The following RASAL1 variants were observed in gnomAD, a reference collection of about 807,000 sequenced individuals.
The protein encoded by RASAL1 is rasGAP-activating-like protein 1.
RASAL1 carries 72 observed loss-of-function variants against 96.6 expected under a neutral mutation model. The ratio of observed to expected loss-of-function variants is 0.75; its 90% CI spans 0.62 to 0.91. The LOEUF (loss-of-function observed/expected upper bound fraction) is 0.91. RASAL1 is among the 40% of genes least tolerant of loss of function. The pLI, the probability that RASAL1 is intolerant of heterozygous loss-of-function variation, is 0.00. For missense variants in RASAL1, 1,016 were observed against 1,072.5 expected (o/e 0.95, Z 0.74); for synonymous variants, 405 against 430.4 (o/e 0.94, Z 0.73).
intron 7 of RASAL1, among the ~76,000 whole-genome samples, chr12:113,118,111 C>T (rs565786478): frequency 3.9e-5 from 6 of 152,152 alleles, no homozygotes; most frequent in Non-Finnish European, 8.8e-5. Context: ...GTAACCCCAG[C>T]TACTTGGGAG....
At position 113,105,898 on chromosome 12, in the gene RASAL1, G is replaced by C. The variant is rs766228994; in HGVS notation, c.1658-12C>G. 1 of 1,610,178 alleles carries C rather than the reference G, an allele frequency of 6.2e-7. No homozygotes were observed. The highest frequency in any genetic ancestry group is 8.5e-7 in the Non-Finnish European group (1 of 1,177,974). ...TGGGACACCAGCTTCTAGGAGATGG[G>C]AGAAGAGAGCGGTGGACAGTGAGCC... On this transcript the variant is annotated splice_polypyrimidine_tract_variant and intron_variant, in intron 15 of 20. Coordinates refer to ENST00000548055, the MANE Select transcript of RASAL1 (RefSeq NM_001301202.2).
At chr12:113,124,398 G>A (rs1256440839) in intron 4 of RASAL1, among the ~76,000 whole-genome samples, 3 of 152,062 alleles carry the variant, frequency 2.0e-5, no homozygotes, top group African/African-American at 4.8e-5. Context: ...CCACATTTCC[G>A]CCACATGCTT....
chr12:113,117,143 T>G lies in RASAL1; in HGVS notation c.661A>C (p.Thr221Pro). 1.2e-6 allele frequency: 2 copies of G among 1,603,168 alleles called. No individual in the cohort carries two copies. Among genetic ancestry groups the G allele is most frequent in the Non-Finnish European group, 1.7e-6 (2 of 1,171,872 alleles). Residue 221 changes from threonine (T) to proline (P), a missense_variant, in exon 8 of 21, where the codon ACC becomes CCC. Coordinates refer to ENST00000548055, the MANE Select transcript of RASAL1 (RefSeq NM_001301202.2). ...CCTTTAGGTGGCTTCTGCTGGAGGG[T>G]CTTTGGAGAGAACTCCACCTTTTGA... ...FLGMVEFSPK[T>P]LQQKPPKGWF...
In RASAL1 at chr12:113,115,170, G is replaced by T. The variant is rs202032513; in HGVS notation, c.1068+30C>A. 73 of 1,591,814 alleles carry T rather than the reference G, an allele frequency of 4.6e-5. No individual in the cohort carries two copies. The highest frequency in any genetic ancestry group is 3.9e-4 in the African/African-American group (29 of 74,496). On this transcript the variant is annotated intron_variant, in intron 11 of 20. Transcript: ENST00000548055. This position sits in a 1 kb window ranked among gnomAD's most constrained non-coding sequence, Gnocchi z 4.1. ...GGAAGGAGGTACCCGAGGAAGCTGCGCCTGGTCCCGCAGGCCTTCACCTAC... is the reference window on the plus strand; with the variant it reads ...GGAAGGAGGTACCCGAGGAAGCTGCTCCTGGTCCCGCAGGCCTTCACCTAC...
At chr12:113,107,408 A>C in intron 14 of RASAL1, 167 bp from the exon 15 acceptor site, 7 of 808,392 alleles carry the variant, frequency 8.7e-6, no homozygotes, top group Non-Finnish European at 1.2e-5. Flanking sequence ...GGATCACTTG[A>C]GGTCAGGAGC....
At chr12:113,131,022 G>A (rs1003927017) in intron 1 of RASAL1, 81 bp from the exon 2 acceptor site, 4 of 1,041,050 alleles carry the variant, frequency 3.8e-6, no homozygotes, top group Non-Finnish European at 5.9e-6. Flanking sequence ...ACACAGGCAG[G>A]GGAGTCGGAG....
chr12:113,135,420 G>A lies in RASAL1; in HGVS notation c.43C>T (p.Arg15Cys). 1 of 1,609,986 alleles carries A rather than the reference G, an allele frequency of 6.2e-7. No homozygotes were observed. Among genetic ancestry groups the A allele is most frequent in the Non-Finnish European group, 8.5e-7 (1 of 1,178,636 alleles). Residue 15 changes from arginine (R) to cysteine (C), a missense_variant, in exon 1 of 21, where the codon CGC becomes TGC. Physicochemically the swap from Arg to Cys is radical, Grantham distance 180. Transcript: ENST00000548055. This position sits in a 1 kb window ranked among gnomAD's most constrained non-coding sequence, Gnocchi z 5.7. ...CACACGTCCTTGGCAGGCAGCGCGC[G>A]GCCCTCCACCACGCGAACATTCAGG... Reference protein sequence around the residue: ...SSLNVRVVEGRALPAKDVSGS... With the variant: ...SSLNVRVVEGCALPAKDVSGS...
At chr12:113,108,792 G>T (rs1950742096) in intron 13 of RASAL1, among the ~76,000 whole-genome samples, 1 of 151,860 alleles carries the variant, frequency 6.6e-6, no homozygotes, top group Non-Finnish European at 1.5e-5. Flanking sequence ...AGAGCCAGGA[G>T]TTGGACTTAG....
chr12:113,102,985 C>G (rs552751295), intron 18 of RASAL1: 1 of 225,792 alleles, frequency 4.4e-6, no homozygotes, highest in East Asian at 1.6e-4. Context: ...TTCTGCTCTA[C>G]TCAGGTCACA....
In RASAL1 at chr12:113,105,905, G is replaced by T; in HGVS notation, c.1658-19C>A. On this transcript the variant is annotated intron_variant, in intron 15 of 20. Transcript: ENST00000548055. The stretch of plus-strand genomic sequence containing the variant: ...CCAGCTTCTAGGAGATGGGAGAAGA[G>T]AGCGGTGGACAGTGAGCCCTCCCTA... 1 of 1,607,056 alleles carries T rather than the reference G, an allele frequency of 6.2e-7. No homozygotes were observed. The highest frequency in any genetic ancestry group is 1.1e-5 in the South Asian group (1 of 90,488).
chr12:113,119,721 G>A (rs1034754659), intron 5 of RASAL1, among the ~76,000 whole-genome samples: 2 of 152,164 alleles, frequency 1.3e-5, no homozygotes, highest in African/African-American at 2.4e-5. Context: ...GCAAGTAGAA[G>A]TGCAGCAGGG....
intron 18 of RASAL1, among the ~76,000 whole-genome samples, chr12:113,102,333 G>A (rs567786786): frequency 6.6e-6 from 1 of 152,300 alleles, no homozygotes; most frequent in South Asian, 2.1e-4. Context: ...CAAGGTGGGT[G>A]GATCACCTGA....
chr12:113,127,069 A>G (rs996830342), intron 4 of RASAL1, among the ~76,000 whole-genome samples: 6 of 147,190 alleles, frequency 4.1e-5, no homozygotes, highest in Non-Finnish European at 5.9e-5. Context: ...AATTATTTTT[A>G]GTAGCAATGG....
intron 8 of RASAL1, 102 bp downstream of exon 8, chr12:113,116,971 G>C: frequency 1.2e-6 from 1 of 848,960 alleles, no homozygotes. Flanking sequence ...GCATGAAGTG[G>C]CATAGTGATA....
At chr12:113,109,133 A>G (rs1674105) in intron 13 of RASAL1, among the ~76,000 whole-genome samples, 142,932 of 150,152 alleles carry the variant, frequency 0.95, 68,088 homozygotes, top group Admixed American at 0.98. Flanking sequence ...CAGCCGCCTC[A>G]GCCTCCCAAA....
intron 1 of RASAL1, 95 bp from the exon 2 acceptor site, chr12:113,131,036 C>G: frequency 1.1e-6 from 1 of 920,220 alleles, no homozygotes; most frequent in Non-Finnish European, 1.7e-6. Context: ...GTCGGAGGCA[C>G]AGACAGAGAA....
In RASAL1 at chr12:113,117,141, G is replaced by A. The variant is rs34456143; in HGVS notation, c.663C>T (p.Thr221=). The change falls in exon 8 of 21, where the codon ACC becomes ACT. Residue 221 remains threonine (T), a synonymous_variant. Coordinates refer to ENST00000548055, the MANE Select transcript of RASAL1 (RefSeq NM_001301202.2). The part of the protein sequence containing the change: ...FLGMVEFSPK[T]LQQKPPKGWF... The stretch of plus-strand genomic sequence containing the variant: ...AGCCTTTAGGTGGCTTCTGCTGGAG[G>A]GTCTTTGGAGAGAACTCCACCTTTT... 218,391 of 1,603,232 alleles carry A rather than the reference G, an allele frequency of 0.14. 16,634 individuals are homozygous for A. Among genetic ancestry groups the A allele is most frequent in the Middle Eastern group, 0.16 (995 of 6,032 alleles).
intron 14 of RASAL1, 169 bp from the exon 15 acceptor site, chr12:113,107,410 G>A (rs771344258): frequency 1.2e-4 from 100 of 807,288 alleles, no homozygotes; most frequent in Middle Eastern, 3.6e-4. Context: ...ATCACTTGAG[G>A]TCAGGAGCTT....
chr12:113,108,201 T>G lies in RASAL1; in HGVS notation c.1396A>C (p.Ser466Arg). The change falls in exon 14 of 21, where the codon AGT becomes CGT. Residue 466 changes from serine (S) to arginine (R), a missense_variant. Transcript: ENST00000548055. ...EHQDVKYLAI[S>R]GFLFLRFFAP... ...AAGAATCGCAAGAAGAGAAATCCAC[T>G]GATGGCCAGGTACTTCACATCCTGC... 1 of 1,612,762 alleles carries G rather than the reference T, an allele frequency of 6.2e-7. No homozygotes were observed. The highest frequency in any genetic ancestry group is 8.5e-7 in the Non-Finnish European group (1 of 1,179,484).
Sources: gnomAD v4.1 joint callset for allele counts (sites outside exome capture counted in the v4.1 genomes callset) on GRCh38, gnomAD v4.1.1 for gene constraint, Gnocchi (gnomAD v3.1) non-coding constraint, MANE v1.5 for transcripts, NCBI Gene and HGNC (gene_info 2026-07-23, HGNC 2026-07-21) for gene names.